Variants in PRKD2 observed in about 807,000 individuals in gnomAD.
PRKD2 encodes the protein serine/threonine-protein kinase D2.
PRKD2 carries 22 observed loss-of-function variants against 86.0 expected under a neutral mutation model. The ratio of observed to expected loss-of-function variants is 0.26; its 90% CI spans 0.18 to 0.37. The LOEUF is 0.37. PRKD2 is among the 10% of genes least tolerant of loss of function. PRKD2 has a pLI of 1.00. For synonymous variants in PRKD2, 509 were observed against 510.9 expected (o/e 1.00, Z 0.05); for missense variants, 818 against 1,199.2 (o/e 0.68, Z 4.70).
At chr19:46,709,431 T>C (rs2053770070) in intron 3 of PRKD2, 1 of 155,236 alleles carries the variant, frequency 6.4e-6, no homozygotes, top group Middle Eastern at 6.3e-4. Flanking sequence ...TGGTGCAATC[T>C]CAGCTCACTG....
chr19:46,714,173 A>G, intron 1 of PRKD2, 172 bp from the exon 2 acceptor site: 1 of 1,333,892 alleles, frequency 7.5e-7, no homozygotes, highest in Non-Finnish European at 9.6e-7. Flanking sequence ...GCCGGGCAGG[A>G]TGCCAGCGCC....
chr19:46,697,382 C>T, intron 8 of PRKD2, 148 bp from the exon 9 acceptor site: 1 of 626,802 alleles, frequency 1.6e-6, no homozygotes, highest in Non-Finnish European at 2.8e-6. Flanking sequence ...CCCACCCCAC[C>T]ACACGCCCTA....
chr19:46,698,309 C>T (rs913986264), intron 7 of PRKD2, among the ~76,000 whole-genome samples: 5 of 152,144 alleles, frequency 3.3e-5, no homozygotes, highest in African/African-American at 4.8e-5. Context: ...GAGATCCATC[C>T]GCCTCGGCCT....
chr19:46,680,912 T>C (rs2053288793), intron 15 of PRKD2, among the ~76,000 whole-genome samples: 1 of 116,310 alleles, frequency 8.6e-6, no homozygotes, highest in Non-Finnish European at 1.8e-5. Flanking sequence ...AAGTGCTATA[T>C]GTTGGGATAA....
chr19:46,713,810 G>T, intron 2 of PRKD2, 53 bp downstream of exon 2: 1 of 650,528 alleles, frequency 1.5e-6, no homozygotes, highest in Non-Finnish European at 2.3e-6. Context: ...TCCTCCCCCA[G>T]ATGCCCCGCC....
At chr19:46,712,465 C>T (rs560237119) in intron 2 of PRKD2, among the ~76,000 whole-genome samples, 1 of 151,002 alleles carries the variant, frequency 6.6e-6, no homozygotes, top group Non-Finnish European at 1.5e-5. Context: ...CGCTTGAACC[C>T]AGGAGGCAGA....
chr19:46,687,540 C>T (rs974552477), intron 14 of PRKD2, among the ~76,000 whole-genome samples: 1 of 152,096 alleles, frequency 6.6e-6, no homozygotes, highest in African/African-American at 2.4e-5. Flanking sequence ...TGTCTCTGAC[C>T]CTCAGTTTCT....
chr19:46,704,788 C>T (rs2053690327), intron 3 of PRKD2, 139 bp from the exon 4 acceptor site: 2 of 1,128,634 alleles, frequency 1.8e-6, no homozygotes, highest in Admixed American at 2.9e-5. Flanking sequence ...CTCCAAAAGG[C>T]ACTACTATCC....
Position 46,704,577 on chromosome 19 carries a change from C to A in PRKD2, c.584G>T (p.Arg195Leu). ...PNNCSGARKR[R>L]LSSTSLASGH... is the part of the protein sequence containing the mutation. ...ACTGGCCAGAGACGTGGATGACAGG[C>A]GCCGTTTGCGGGCCCCACTACAGTT... The change falls in exon 4 of 18, where the codon CGC becomes CTC. Residue 195 changes from arginine (R) to leucine (L), a missense_variant. This residue lies in a region of PRKD2 where 403 missense variants were observed against 518.6 expected (regional missense o/e 0.78). Coordinates refer to ENST00000291281, the MANE Select transcript of PRKD2 (RefSeq NM_016457.5). The A allele has an allele frequency of 6.2e-7, 1 of 1,614,062 alleles. No homozygotes were observed. Among genetic ancestry groups the A allele is most frequent in the Non-Finnish European group, 8.5e-7 (1 of 1,179,990 alleles).
chr19:46,677,050 G>T (rs113240194), intron 16 of PRKD2: 5,851 of 113,708 alleles, frequency 0.051, 303 homozygotes, highest in African/African-American at 0.15. Context: ...GAAAGAGCGA[G>T]ACCCCACCTC....
At chr19:46,714,334 C>T in intron 1 of PRKD2, 1 of 1,066,170 alleles carries the variant, frequency 9.4e-7, no homozygotes, top group African/African-American at 1.7e-5. Flanking sequence ...CACTCCCTCC[C>T]CTGTGCCTCC....
intron 8 of PRKD2, chr19:46,697,444 C>A (rs1010484524): frequency 5.6e-5 from 33 of 586,800 alleles, no homozygotes; most frequent in Non-Finnish European, 9.6e-5. Context: ...ACGCCCTAAC[C>A]CCAGACTCGC....
intron 14 of PRKD2, among the ~76,000 whole-genome samples, chr19:46,688,544 C>T (rs2053434908): frequency 6.6e-6 from 1 of 151,192 alleles, no homozygotes; most frequent in Admixed American, 6.6e-5. Context: ...TCAAGGGATT[C>T]TCCTGCCTCA....
intron 14 of PRKD2, among the ~76,000 whole-genome samples, chr19:46,684,961 T>TC (rs2053373643): frequency 1.4e-5 from 1 of 69,552 alleles, no homozygotes; most frequent in South Asian, 5.1e-4. Context: ...AGACTCCATC[T>TC]CAAAAAAAAA....
intron 7 of PRKD2, among the ~76,000 whole-genome samples, chr19:46,698,615 C>G (rs1387765152): frequency 6.6e-6 from 1 of 152,204 alleles, no homozygotes; most frequent in East Asian, 1.9e-4. Flanking sequence ...GGCCTCACCT[C>G]CCTCATTTGT....
intron 2 of PRKD2, among the ~76,000 whole-genome samples, chr19:46,712,173 G>A (rs1411787370): frequency 6.6e-6 from 1 of 152,116 alleles, no homozygotes; most frequent in Non-Finnish European, 1.5e-5. Flanking sequence ...CAGTCTGGGA[G>A]GTAGAGGCTG....
At chr19:46,686,463 T>C (rs2053398753) in intron 14 of PRKD2, among the ~76,000 whole-genome samples, 1 of 139,710 alleles carries the variant, frequency 7.2e-6, no homozygotes, top group African/African-American at 2.8e-5. Flanking sequence ...TGGCGAGACC[T>C]TGTCTCTACA....
chr19:46,677,882 A>AG (rs1478451705), intron 16 of PRKD2, among the ~76,000 whole-genome samples: 1 of 152,146 alleles, frequency 6.6e-6, no homozygotes, highest in African/African-American at 2.4e-5. Flanking sequence ...CCCAGGCTTC[A>AG]GGCCCATCTT....
chr19:46,680,574 C>A (rs1425588058), intron 15 of PRKD2, among the ~76,000 whole-genome samples: 1 of 152,112 alleles, frequency 6.6e-6, no homozygotes, highest in African/African-American at 2.4e-5. Context: ...TAGGCATGAG[C>A]CGCTGCGCTC....
Sources: allele counts gnomAD v4.1 joint callset (sites outside exome capture counted in the v4.1 genomes callset), GRCh38; gene constraint gnomAD v4.1.1; regional missense constraint gnomAD v4.1.1; transcripts MANE v1.5; gene names NCBI Gene and HGNC (gene_info 2026-07-23, HGNC 2026-07-21).